Variants in SERINC5 observed in about 807,000 individuals in gnomAD.
SERINC5 encodes the protein chromosome 5 open reading frame 12.
A neutral mutation model predicts 63.1 loss-of-function variants in SERINC5; 41 were observed. The ratio of observed to expected loss-of-function variants is 0.65; its 90% CI spans 0.51 to 0.84. The LOEUF (loss-of-function observed/expected upper bound fraction) is 0.84. Ranked by LOEUF, SERINC5 falls within the 40% of genes least tolerant of loss-of-function variation. SERINC5 has a pLI of 0.00. For missense variants in SERINC5, 523 were observed against 573.0 expected (o/e 0.91, Z 0.89); for synonymous variants, 222 against 215.2 (o/e 1.03, Z -0.28).
At chr5:80,245,606 T>C (rs1412640822) in intron 1 of SERINC5, among the ~76,000 whole-genome samples, 1 of 92,468 alleles carries the variant, frequency 1.1e-5, no homozygotes, top group African/African-American at 3.9e-5. Flanking sequence ...CCAGTGAATA[T>C]TTATTTTTTT....
In SERINC5 at chr5:80,209,227, C is replaced by T. The variant is rs1000759313; in HGVS notation, c.28-6174G>A. On this transcript the variant is annotated intron_variant, in intron 1 of 11. Coordinates refer to ENST00000507668, the MANE Select transcript of SERINC5 (RefSeq NM_001174072.3). ...CAGAGGTTGCAGTGAGCCGAGATCG[C>T]GCCACTGCACTCCAGCCTGGGTGAC... Among the ~76,000 whole-genome samples, 7 of 152,238 alleles carry T rather than the reference C, an allele frequency of 4.6e-5. No homozygotes were observed. In the South Asian group the frequency reaches 1.2e-3, roughly 27 times the overall value.
intron 2 of SERINC5, among the ~76,000 whole-genome samples, chr5:80,184,075 A>G (rs1748645588): frequency 6.6e-6 from 1 of 152,190 alleles, no homozygotes; most frequent in Non-Finnish European, 1.5e-5. Context: ...AGTCTAACCC[A>G]AAACAAAAGT....
chr5:80,252,912 C>G (rs1051842858), intron 1 of SERINC5, among the ~76,000 whole-genome samples: 1 of 152,176 alleles, frequency 6.6e-6, no homozygotes, highest in African/African-American at 2.4e-5. Flanking sequence ...AGAAAGTCAC[C>G]AAAATGTCTC....
rs1189656758 is a variant in SERINC5 at position 80,158,795 on chromosome 5, A to C, written c.986+41T>G. The C allele has an allele frequency of 2.5e-6, 4 of 1,580,832 alleles. No individual in the cohort carries two copies. In the South Asian group the frequency reaches 4.5e-5, roughly 18 times the overall value. ...ATTTCAATTCTTTTCCTGTAATTTT[A>C]AAGTCTGCAAAAGTGACCTTGAGTA... is the stretch of plus-strand genomic sequence containing the variant. On this transcript the variant is annotated intron_variant, in intron 8 of 11. Transcript: ENST00000507668.
At chr5:80,130,564 C>G (rs1302534063) in intron 11 of SERINC5, among the ~76,000 whole-genome samples, 1 of 152,166 alleles carries the variant, frequency 6.6e-6, no homozygotes, top group African/African-American at 2.4e-5. Context: ...AGTTCAGATA[C>G]TCAAATCTCT....
At chr5:80,248,432 G>A (rs757033828) in intron 1 of SERINC5, among the ~76,000 whole-genome samples, 6 of 152,120 alleles carry the variant, frequency 3.9e-5, no homozygotes, top group African/African-American at 9.7e-5. Context: ...TTCACATCCC[G>A]GTGGGATGGA....
At chr5:80,201,174 C>T (rs1023760607) in intron 2 of SERINC5, among the ~76,000 whole-genome samples, 8 of 152,128 alleles carry the variant, frequency 5.3e-5, no homozygotes, top group African/African-American at 1.9e-4. Flanking sequence ...TTGGGGCAAA[C>T]GTTTGCTCAG....
intron 11 of SERINC5, among the ~76,000 whole-genome samples, chr5:80,123,221 G>A (rs185028370): frequency 8.5e-4 from 129 of 152,090 alleles, no homozygotes; most frequent in African/African-American, 3.0e-3. Flanking sequence ...TCAATCTCTC[G>A]AGTAGCTAGG....
Position 80,230,842 on chromosome 5 carries a change from A to C in SERINC5, c.27+25054T>G, listed in dbSNP as rs114233607. 7.0e-3 allele frequency among the ~76,000 whole-genome samples: 1,068 copies of C among 151,598 alleles called. 15 individuals are homozygous for C. Among genetic ancestry groups the C allele is most frequent in the African/African-American group, 0.024 (984 of 41,316 alleles). ...TCTTTCTCTCTTTCTTTCTGACAGT[A>C]TTCTATCCCAGGCTGGATGGAGTGC... On this transcript the variant is annotated intron_variant, in intron 1 of 11. Transcript: ENST00000507668.
In SERINC5 at chr5:80,143,357, C is replaced by A. The variant is rs1489580634; in HGVS notation, c.*306G>T. 1.4e-5 allele frequency: 15 copies of A among 1,087,178 alleles called. No homozygotes were observed. Among genetic ancestry groups the A allele is most frequent in the African/African-American group, 1.6e-5 (1 of 60,674 alleles). The allele number at this position is 1,087,178 out of a possible 1,614,324, so 67.3% of individuals were successfully genotyped here. A position where few individuals can be genotyped will look rare whatever the true frequency, so the allele number is the denominator to read the frequency against. ...TTTATCCCTGTGAAAAGATGCTGTG[C>A]CCCAAATTCTGTTTTGGCAAAAACA... On this transcript the variant is annotated 3_prime_UTR_variant, in exon 12 of 12. Coordinates refer to ENST00000507668, the MANE Select transcript of SERINC5 (RefSeq NM_001174072.3).
chr5:80,136,913 A>G (rs1379280690), downstream of SERINC5, among the ~76,000 whole-genome samples: 2 of 152,104 alleles, frequency 1.3e-5, no homozygotes, highest in African/African-American at 4.8e-5. Flanking sequence ...AGGCAGGCAG[A>G]TCACTTGAGG....
At chr5:80,157,355 CA>C (rs1299168563) in intron 8 of SERINC5, 3 of 151,530 alleles carry the variant, frequency 2.0e-5, no homozygotes, top group Non-Finnish European at 4.4e-5. Flanking sequence ...TTTATTCTAT[CA>C]AATATCTTCA....
In SERINC5 at chr5:80,143,905, C is replaced by T. The variant is rs189580803; in HGVS notation, c.1239-95G>A. 6.9e-5 allele frequency: 95 copies of T among 1,378,434 alleles called. No individual in the cohort carries two copies. The East Asian group carries it at 2.2e-3, about 32-fold the overall frequency. 85.4% of individuals were successfully genotyped at this position (1,378,434 alleles called of 1,614,324 possible). On this transcript the variant is annotated intron_variant, in intron 11 of 11. Transcript: ENST00000507668. ...CCATTTATAATGTATAATTCAACGG[C>T]TTTCAATGTATTCATACACAGACTT...
At chr5:80,155,724 A>G (rs189058126) in intron 8 of SERINC5, among the ~76,000 whole-genome samples, 3 of 152,194 alleles carry the variant, frequency 2.0e-5, no homozygotes, top group Admixed American at 2.0e-4. Flanking sequence ...ACATAGTGAG[A>G]ACTTGCCTTA....
chr5:80,162,409 T>C (rs978847667), intron 7 of SERINC5, among the ~76,000 whole-genome samples: 4 of 152,302 alleles, frequency 2.6e-5, no homozygotes, highest in Admixed American at 1.3e-4. Context: ...GGTCTTGCTC[T>C]TTCACCCAGT....
chr5:80,248,485 C>T (rs1279240461), intron 1 of SERINC5, among the ~76,000 whole-genome samples: 1 of 152,156 alleles, frequency 6.6e-6, no homozygotes, highest in Non-Finnish European at 1.5e-5. Context: ...ATAATTTAAA[C>T]CTGTGAATTG....
Position 80,142,814 on chromosome 5 carries a change from C to G in SERINC5, c.*849G>C, listed in dbSNP as rs1266020286. On this transcript the variant is annotated 3_prime_UTR_variant, in exon 12 of 12. Coordinates refer to ENST00000507668, the MANE Select transcript of SERINC5 (RefSeq NM_001174072.3). The stretch of plus-strand genomic sequence containing the variant: ...GTATTATCATTATCAACAGCACAAA[C>G]AAGTAAGAATGATAGCCCTCCATTG... 2.9e-5 allele frequency: 29 copies of G among 985,298 alleles called. No homozygotes were observed. Among genetic ancestry groups the G allele is most frequent in the African/African-American group, 5.2e-5 (3 of 57,224 alleles). 61.0% of individuals were successfully genotyped at this position (985,298 alleles called of 1,614,324 possible). A position where few individuals can be genotyped will look rare whatever the true frequency, so the allele number is the denominator to read the frequency against.
At chr5:80,176,218 G>T (rs2112411211) in intron 4 of SERINC5, among the ~76,000 whole-genome samples, 2 of 152,174 alleles carry the variant, frequency 1.3e-5, no homozygotes, top group Admixed American at 1.3e-4. Context: ...TGGACCAGAG[G>T]GTTTCTAGGT....
At chr5:80,245,416 C>T (rs1211995337) in intron 1 of SERINC5, among the ~76,000 whole-genome samples, 1 of 152,128 alleles carries the variant, frequency 6.6e-6, no homozygotes, top group African/African-American at 2.4e-5. Flanking sequence ...GCTTCTACTC[C>T]TTTTCCAAAA....
Sources: allele counts gnomAD v4.1 joint callset (sites outside exome capture counted in the v4.1 genomes callset), GRCh38; gene constraint gnomAD v4.1.1; transcripts MANE v1.5; gene names NCBI Gene and HGNC (gene_info 2026-07-23, HGNC 2026-07-21).